Variants in LRRC1 observed in about 807,000 individuals in gnomAD.
LRRC1 encodes leucine-rich repeat-containing protein 1.
A neutral mutation model predicts 69.9 loss-of-function variants in LRRC1; 28 were observed. That is an observed-to-expected ratio of 0.40 (90% CI 0.30 to 0.55). LRRC1 has a LOEUF of 0.55. Among genes scored for constraint, LRRC1 ranks in the 20% least tolerant of loss-of-function variants. The pLI is 0.47. For synonymous variants in LRRC1, 236 were observed against 240.2 expected, an observed-to-expected ratio of 0.98 and a Z score of 0.16; for missense variants, 498 against 609.0, an observed-to-expected ratio of 0.82 and a Z score of 1.92.
intron 2 of LRRC1, among the ~76,000 whole-genome samples, chr6:53,878,569 G>A (rs1364876184): frequency 2.0e-5 from 3 of 152,174 alleles, no homozygotes; most frequent in Non-Finnish European, 4.4e-5. Context: ...TGTGGGCGCT[G>A]ATCTGACAGT....
intron 10 of LRRC1, among the ~76,000 whole-genome samples, chr6:53,908,460 A>C (rs1464152019): frequency 6.6e-6 from 1 of 152,160 alleles, no homozygotes; most frequent in Non-Finnish European, 1.5e-5. Context: ...CTGCCTTCTT[A>C]TTATTGCAAT....
At position 53,842,165 on chromosome 6, in the gene LRRC1, A is replaced by G. The variant is rs753590976; in HGVS notation, c.215A>G (p.Gln72Arg). Residue 72 changes from glutamine to arginine, a missense_variant, in exon 2 of 14, where the codon CAG (glutamine) becomes CGG (arginine). Transcript: ENST00000370888. ...RKLGLSDNEI[Q>R]RLPPEIANFM... is the part of the protein sequence containing the mutation. Reference sequence around the variant, plus strand: ...CTTGGACTTAGTGATAATGAAATTCAGCGGCTCCCTCCAGAAATAGCAAAC... The same window carrying G: ...CTTGGACTTAGTGATAATGAAATTCGGCGGCTCCCTCCAGAAATAGCAAAC... The G allele has an allele frequency of 1.2e-6, 2 of 1,614,082 alleles. No individual in the cohort carries two copies. Among genetic ancestry groups the G allele is most frequent in the Non-Finnish European group, 1.7e-6 (2 of 1,179,958 alleles).
chr6:53,911,842 C>G (rs1243172905), intron 10 of LRRC1, among the ~76,000 whole-genome samples: 2 of 152,194 alleles, frequency 1.3e-5, no homozygotes, highest in Non-Finnish European at 2.9e-5. Flanking sequence ...TGATTGCTTT[C>G]CTTCCATGAT....
chr6:53,914,366 T>C (rs1768502846), intron 11 of LRRC1, among the ~76,000 whole-genome samples: 1 of 152,318 alleles, frequency 6.6e-6, no homozygotes, highest in East Asian at 1.9e-4. Flanking sequence ...CAAATGAGTT[T>C]GAACTCAGTT....
At chr6:53,828,675 G>T (rs2127411577) in intron 1 of LRRC1, among the ~76,000 whole-genome samples, 1 of 152,326 alleles carries the variant, frequency 6.6e-6, no homozygotes, top group African/African-American at 2.4e-5. Flanking sequence ...TTGGATAGTA[G>T]CTTGAATACT....
At chr6:53,835,251 A>T (rs2127413850) in intron 1 of LRRC1, among the ~76,000 whole-genome samples, 1 of 152,350 alleles carries the variant, frequency 6.6e-6, no homozygotes, top group African/African-American at 2.4e-5. Flanking sequence ...TTCCTAGGCA[A>T]CTGCTAATCT....
In LRRC1 at chr6:53,825,413, TG is replaced by T. The variant is rs1481866029; in HGVS notation, c.160-16693del. On this transcript the variant is annotated intron_variant, in intron 1 of 13. Transcript: ENST00000370888. ...GTCAGTCCTGCTAGACCAAGGAGAC[TG>T]GGGCGCCATGTCAGCCCCTCCCTCT... is the stretch of plus-strand genomic sequence containing the variant. 5.9e-5 allele frequency among the ~76,000 whole-genome samples: 9 copies of T among 152,346 alleles called. No homozygotes were observed. In the South Asian group the frequency reaches 1.9e-3, roughly 32 times the overall value.
intron 4 of LRRC1, chr6:53,883,838 C>T (rs551252028): frequency 2.9e-6 from 2 of 693,050 alleles, no homozygotes; most frequent in Admixed American, 4.4e-5. Context: ...CTTTGAGAAC[C>T]ACAGTAAGCA....
intron 2 of LRRC1, among the ~76,000 whole-genome samples, chr6:53,856,357 C>T (rs536174077): frequency 1.3e-5 from 2 of 152,228 alleles, no homozygotes; most frequent in Admixed American, 6.5e-5. Context: ...CCAAGTCCAT[C>T]CGTGATGACA....
At position 53,811,549 on chromosome 6, in the gene LRRC1, A is replaced by G. The variant is rs556357836; in HGVS notation, c.159+16134A>G. On this transcript the variant is annotated intron_variant, in intron 1 of 13. Coordinates refer to ENST00000370888, the MANE Select transcript of LRRC1 (RefSeq NM_018214.5). ...AAGGCCTGAGCTGCTCACACACAGG[A>G]TAGGAAGGGTTGACTAAAACCTCAG... is the stretch of plus-strand genomic sequence containing the variant. Among the ~76,000 whole-genome samples, 18 of 152,378 alleles carry G rather than the reference A, an allele frequency of 1.2e-4. No individual in the cohort carries two copies. The South Asian group carries it at 3.3e-3, about 28-fold the overall frequency.
intron 2 of LRRC1, among the ~76,000 whole-genome samples, chr6:53,846,131 G>A (rs1765936377): frequency 6.6e-6 from 1 of 152,202 alleles, no homozygotes; most frequent in Admixed American, 6.5e-5. Flanking sequence ...TAAATGAAGA[G>A]AGAAGTTTTT....
In LRRC1 at chr6:53,795,347, A is replaced by T. The variant is rs767517969; in HGVS notation, c.91A>T (p.Ile31Phe). ...HCSLVYVPEE[I>F]YRYARSLEEL... ...CTCGCTGGTCTACGTCCCCGAGGAG[A>T]TCTACCGCTATGCCCGGAGCCTGGA... is the stretch of plus-strand genomic sequence containing the variant. The change falls in exon 1 of 14, where the codon ATC (isoleucine) becomes TTC (phenylalanine). Residue 31 changes from isoleucine to phenylalanine, a missense_variant. Transcript: ENST00000370888. The T allele has an allele frequency of 6.2e-7, 1 of 1,613,696 alleles. No homozygotes were observed. The highest frequency in any genetic ancestry group is 8.5e-7 in the Non-Finnish European group (1 of 1,179,942).
chr6:53,865,535 G>A (rs554683419), intron 2 of LRRC1, among the ~76,000 whole-genome samples: 15 of 152,098 alleles, frequency 9.9e-5, no homozygotes, highest in Admixed American at 7.8e-4. Flanking sequence ...GACAGTTCGT[G>A]GAGTAGTTTT....
intron 1 of LRRC1, among the ~76,000 whole-genome samples, chr6:53,820,780 T>C (rs539431193): frequency 1.3e-5 from 2 of 152,166 alleles, no homozygotes; most frequent in Non-Finnish European, 2.9e-5. Context: ...TTTCTTTCTT[T>C]AGTTTTCTGG....
intron 4 of LRRC1, among the ~76,000 whole-genome samples, chr6:53,893,393 G>A (rs1767765530): frequency 6.6e-6 from 1 of 152,108 alleles, no homozygotes; most frequent in South Asian, 2.1e-4. Flanking sequence ...GCTTTCATCG[G>A]TGGCTCTATA....
intron 2 of LRRC1, among the ~76,000 whole-genome samples, chr6:53,870,849 TCAA>T (rs1272682710): frequency 6.6e-6 from 1 of 152,184 alleles, no homozygotes; most frequent in Non-Finnish European, 1.5e-5. Context: ...TTCTATGAGA[TCAA>T]CTTCTTTAGG....
intron 1 of LRRC1, among the ~76,000 whole-genome samples, chr6:53,836,102 G>A (rs556907688): frequency 6.6e-5 from 10 of 152,282 alleles, no homozygotes; most frequent in African/African-American, 2.4e-4. Context: ...TAGCTTAAGG[G>A]AGGAGGACAG....
At chr6:53,920,806 A>G (rs1365138107) in intron 13 of LRRC1, 45 bp downstream of exon 13, 5 of 1,604,414 alleles carry the variant, frequency 3.1e-6, no homozygotes, top group Non-Finnish European at 3.4e-6. Context: ...TTCAAAATTA[A>G]AAGATTAGAA....
chr6:53,861,688 C>T (rs917890073), intron 2 of LRRC1, among the ~76,000 whole-genome samples: 1 of 152,080 alleles, frequency 6.6e-6, no homozygotes, highest in African/African-American at 2.4e-5. Context: ...AGGGCTTCTC[C>T]TGCCCTTCTG....
Sources: gnomAD v4.1 joint callset for allele counts (sites outside exome capture counted in the v4.1 genomes callset) on GRCh38, gnomAD v4.1.1 for gene constraint, MANE v1.5 for transcripts, NCBI Gene and HGNC (gene_info 2026-07-23, HGNC 2026-07-21) for gene names.